Variants in SMYD3 observed in about 807,000 individuals in gnomAD.
The protein encoded by SMYD3 is SET and MYND domain containing 3, also known as histone-lysine N-methyltransferase SMYD3.
SMYD3 carries 36 observed loss-of-function variants against 57.7 expected under a neutral mutation model. The observed-to-expected ratio is 0.62, with a 90% CI of 0.48 to 0.82. SMYD3 has a LOEUF of 0.82. Among genes scored for constraint, SMYD3 ranks in the 40% least tolerant of loss-of-function variants. The pLI is 0.00. For missense variants in SMYD3, 515 were observed against 538.8 expected, an observed-to-expected ratio of 0.96 and a Z score of 0.44; for synonymous variants, 211 against 195.0, an observed-to-expected ratio of 1.08 and a Z score of -0.68.
At chr1:246,401,892 T>A (rs550205370) in intron 1 of SMYD3, among the ~76,000 whole-genome samples, 1 of 151,940 alleles carries the variant, frequency 6.6e-6, no homozygotes, top group African/African-American at 2.4e-5. Context: ...CCGGCTAATT[T>A]TGTATTTTTA....
chr1:245,971,549 G>A (rs1404237643), intron 5 of SMYD3, among the ~76,000 whole-genome samples: 2 of 152,178 alleles, frequency 1.3e-5, no homozygotes, highest in African/African-American at 2.4e-5. Flanking sequence ...ACACGCTCTC[G>A]TCTGGTTAGA....
chr1:246,269,550 T>G (rs1330512871), intron 5 of SMYD3, among the ~76,000 whole-genome samples: 2 of 151,132 alleles, frequency 1.3e-5, no homozygotes, highest in African/African-American at 2.4e-5. Context: ...TTTCTTTTTT[T>G]TTTTTGTTTT....
At chr1:246,428,648 G>A (rs371088803) in intron 1 of SMYD3, among the ~76,000 whole-genome samples, 49 of 152,188 alleles carry the variant, frequency 3.2e-4, no homozygotes, top group South Asian at 8.3e-4. Context: ...ATTCAAACCC[G>A]TGCAATCTAG....
intron 5 of SMYD3, among the ~76,000 whole-genome samples, chr1:246,273,215 C>A (rs191123630): frequency 0.013 from 1,909 of 141,946 alleles, 30 homozygotes; most frequent in Non-Finnish European, 0.02. Flanking sequence ...AGAGGCACAA[C>A]CTCGGCTCAC....
chr1:246,060,182 G>A (rs2060226386), intron 5 of SMYD3, among the ~76,000 whole-genome samples: 1 of 152,064 alleles, frequency 6.6e-6, no homozygotes, highest in African/African-American at 2.4e-5. Context: ...CAGCTACTTA[G>A]GAGGCTGAGA....
chr1:246,245,120 C>CTTTTTTTTTTTTTTTTTT (rs74163421), intron 5 of SMYD3, among the ~76,000 whole-genome samples: 30 of 122,934 alleles, frequency 2.4e-4, no homozygotes, highest in African/African-American at 6.1e-4. Context: ...CAGCTACTGC[C>CTTTTTTTTTTTTTTTTTT]TTTTTTTTTT....
chr1:246,436,888 CAG>C (rs1479895771), intron 1 of SMYD3, among the ~76,000 whole-genome samples: 2 of 146,886 alleles, frequency 1.4e-5, no homozygotes, highest in African/African-American at 5.1e-5. Context: ...AGGGTCCTGC[CAG>C]AGTTTCTTTC....
At chr1:246,180,722 A>G in intron 5 of SMYD3, among the ~76,000 whole-genome samples, 1 of 134,840 alleles carries the variant, frequency 7.4e-6, no homozygotes, top group African/African-American at 2.8e-5. Flanking sequence ...TCGCACCACC[A>G]CACTCCAAGC....
chr1:246,308,958 A>G (rs1260215151), intron 5 of SMYD3, among the ~76,000 whole-genome samples: 1 of 152,182 alleles, frequency 6.6e-6, no homozygotes, highest in Non-Finnish European at 1.5e-5. Context: ...TGCCTAAGAT[A>G]GTAAGATTTT....
intron 11 of SMYD3, among the ~76,000 whole-genome samples, chr1:245,758,362 T>C (rs889543486): frequency 2.6e-5 from 4 of 152,192 alleles, no homozygotes; most frequent in Non-Finnish European, 5.9e-5. Flanking sequence ...TATTTCTTCC[T>C]TTCCAATTTG....
At chr1:245,806,664 A>T (rs890747061) in intron 10 of SMYD3, among the ~76,000 whole-genome samples, 2 of 151,556 alleles carry the variant, frequency 1.3e-5, no homozygotes, top group African/African-American at 4.9e-5. Context: ...TAATCCCAGC[A>T]CTTTGGGAGG....
At chr1:245,973,344 G>A (rs1316918947) in intron 5 of SMYD3, among the ~76,000 whole-genome samples, 1 of 152,106 alleles carries the variant, frequency 6.6e-6, no homozygotes, top group African/African-American at 2.4e-5. Context: ...GCATATAATC[G>A]GGGTGTCCAT....
chr1:246,327,141 A>G, intron 5 of SMYD3, 60 bp downstream of exon 5: 1 of 1,604,876 alleles, frequency 6.2e-7, no homozygotes, highest in Non-Finnish European at 8.5e-7. Flanking sequence ...GTAACTAACA[A>G]CAAAATAAGG....
intron 10 of SMYD3, among the ~76,000 whole-genome samples, chr1:245,790,568 T>C (rs890898471): frequency 2.6e-5 from 4 of 152,232 alleles, no homozygotes; most frequent in African/African-American, 9.6e-5. Context: ...AAAATGTGGA[T>C]GCTTTTAGAA....
At chr1:246,068,096 T>C (rs1318700948) in intron 5 of SMYD3, among the ~76,000 whole-genome samples, 1 of 152,020 alleles carries the variant, frequency 6.6e-6, no homozygotes, top group Non-Finnish European at 1.5e-5. Context: ...TTAAGGGCGG[T>C]TGAGTCTTTC....
At chr1:246,085,077 G>T (rs2060701173) in intron 5 of SMYD3, among the ~76,000 whole-genome samples, 2 of 152,132 alleles carry the variant, frequency 1.3e-5, no homozygotes, top group South Asian at 4.1e-4. Context: ...AAAGAATATT[G>T]CATTTTCTCT....
rs369139173 is a variant in SMYD3, at chr1:246,218,575, G to C, written c.531+108626C>G. Among the ~76,000 whole-genome samples, 382 of 151,000 alleles carry C rather than the reference G, an allele frequency of 2.5e-3. 1 individual carries two copies. The highest frequency in any genetic ancestry group is 4.2e-3 in the Non-Finnish European group (286 of 67,914). On this transcript the variant is annotated intron_variant, in intron 5 of 11. Transcript: ENST00000490107. ...GACGGAGCTTGCAGTAAACCGAGAT[G>C]GCGCCACTGCACTCCAGCCTGGGTG...
At chr1:245,946,979 G>A (rs1009417248) in intron 5 of SMYD3, among the ~76,000 whole-genome samples, 5 of 152,030 alleles carry the variant, frequency 3.3e-5, no homozygotes, top group Admixed American at 6.5e-5. Context: ...GCAATAATGC[G>A]GGGCAGCGTC....
At chr1:246,459,322 T>A (rs1292197367) in intron 1 of SMYD3, among the ~76,000 whole-genome samples, 3 of 148,802 alleles carry the variant, frequency 2.0e-5, no homozygotes, top group African/African-American at 7.6e-5. Context: ...GTTCTCATGA[T>A]AGAGTTCTCG....
Sources: allele counts gnomAD v4.1 joint callset (sites outside exome capture counted in the v4.1 genomes callset), GRCh38; gene constraint gnomAD v4.1.1; transcripts MANE v1.5; gene names NCBI Gene and HGNC (gene_info 2026-07-23, HGNC 2026-07-21).